The following GBX1 variants were observed in gnomAD, a reference collection of about 807,000 sequenced individuals.
GBX1 encodes the protein gastrulation brain homeobox 1.
A neutral mutation model predicts 22.9 loss-of-function variants in GBX1; 9 were observed. The observed-to-expected ratio is 0.39, with a 90% CI of 0.24 to 0.69. The LOEUF is 0.69. GBX1 is among the 30% of genes least tolerant of loss of function. The pLI, the probability that GBX1 is intolerant of heterozygous loss-of-function variation, is 0.43. For missense variants in GBX1, 494 were observed against 509.2 expected, an observed-to-expected ratio of 0.97 and a Z score of 0.29; for synonymous variants, 203 against 227.3, an observed-to-expected ratio of 0.89 and a Z score of 0.96.
chr7:151,148,058 C>T lies in GBX1; in HGVS notation c.*531G>A, dbSNP rs1801033882. On this transcript the variant is annotated 3_prime_UTR_variant, in exon 2 of 2. Coordinates refer to ENST00000297537, the MANE Select transcript of GBX1 (RefSeq NM_001098834.3). This position sits in a 1 kb window ranked among gnomAD's most constrained non-coding sequence, Gnocchi z 5.1. ...TAAAGAGAGGCAAGATGGGGCCTACCCCAAAGCAGTAGGACAGACGAACTC... is the reference window on the plus strand; with the variant it reads ...TAAAGAGAGGCAAGATGGGGCCTACTCCAAAGCAGTAGGACAGACGAACTC... Among the ~76,000 whole-genome samples, 1 of 152,120 alleles carries T rather than the reference C, an allele frequency of 6.6e-6. No individual in the cohort carries two copies. The highest frequency in any genetic ancestry group is 1.5e-5 in the Non-Finnish European group (1 of 68,018).
chr7:151,155,154 T>A (rs1331593755), intron 1 of GBX1, among the ~76,000 whole-genome samples: 1 of 152,202 alleles, frequency 6.6e-6, no homozygotes, highest in Non-Finnish European at 1.5e-5. Context: ...ATCCTAACAC[T>A]TGCCCCAACC....
chr7:151,155,251 CT>C (rs1328412715), intron 1 of GBX1, among the ~76,000 whole-genome samples: 1 of 152,186 alleles, frequency 6.6e-6, no homozygotes, highest in African/African-American at 2.4e-5. Flanking sequence ...AACTACTCAT[CT>C]CCCTGAATCC....
intron 1 of GBX1, among the ~76,000 whole-genome samples, chr7:151,165,787 G>A (rs892742232): frequency 6.6e-6 from 1 of 152,156 alleles, no homozygotes; most frequent in Non-Finnish European, 1.5e-5. Context: ...CAGCCTTTGG[G>A]GTCTGAAAGA....
intron 1 of GBX1, among the ~76,000 whole-genome samples, chr7:151,165,525 C>CT (rs770469161): frequency 9.2e-5 from 14 of 152,220 alleles, no homozygotes; most frequent in Admixed American, 3.3e-4. Context: ...TCATACTAAT[C>CT]TTTTTTTCTT....
In GBX1 at chr7:151,167,072, T is replaced by G; in HGVS notation, c.477A>C (p.Lys159Asn). The G allele has an allele frequency of 6.2e-7, 1 of 1,602,670 alleles. No homozygotes were observed. Among genetic ancestry groups the G allele is most frequent in the Non-Finnish European group, 8.5e-7 (1 of 1,176,218 alleles). The change falls in exon 1 of 2, where the codon AAA becomes AAC. Residue 159 changes from lysine to asparagine, a missense_variant. Around this residue, in one of 3 missense-constraint regions of GBX1, gnomAD observed 365 missense variants for 340.4 expected, o/e 1.07. Transcript: ENST00000297537. The surrounding 1 kb of genome is among the most constrained non-coding windows in gnomAD (Gnocchi z 5.9). ...EADELLPARE[K>N]VAEPPPPPPP... Reference sequence around the variant, plus strand: ...GCGGAGGTGGTGGGGGCTCTGCCACTTTCTCCCGGGCCGGCAGCAGCTCAT... The same window carrying G: ...GCGGAGGTGGTGGGGGCTCTGCCACGTTCTCCCGGGCCGGCAGCAGCTCAT...
intron 1 of GBX1, among the ~76,000 whole-genome samples, chr7:151,151,751 C>G (rs1053149699): frequency 2.6e-5 from 4 of 152,208 alleles, no homozygotes; most frequent in Admixed American, 2.0e-4. Flanking sequence ...CCGCTTCCAA[C>G]TAGTCCACAT....
chr7:151,158,197 C>G (rs1392669861), intron 1 of GBX1, among the ~76,000 whole-genome samples: 1 of 152,166 alleles, frequency 6.6e-6, no homozygotes, highest in Non-Finnish European at 1.5e-5. Context: ...TCACATGACT[C>G]CAGGGAAAGT....
chr7:151,167,373 T>C lies in GBX1; in HGVS notation c.176A>G (p.Gln59Arg). The C allele has an allele frequency of 6.6e-7, 1 of 1,509,610 alleles. No homozygotes were observed. The highest frequency in any genetic ancestry group is 8.8e-7 in the Non-Finnish European group (1 of 1,131,592). The allele number at this position is 1,509,610 out of a possible 1,614,324, so 93.5% of individuals were successfully genotyped here. The part of the protein sequence containing the change: ...FMPYRPLVLP[Q>R]ALAPAPLPAG... ...GGGCAGCGGCGCAGGGGCCAGCGCCTGCGGCAGCACGAGCGGCCGGTAGGG... is the reference window on the plus strand; with the variant it reads ...GGGCAGCGGCGCAGGGGCCAGCGCCCGCGGCAGCACGAGCGGCCGGTAGGG... Residue 59 changes from glutamine to arginine, a missense_variant, in exon 1 of 2, where the codon CAG becomes CGG. By Grantham distance (43) the Gln-to-Arg change is conservative. Around this residue, in one of 3 missense-constraint regions of GBX1, gnomAD observed 365 missense variants for 340.4 expected, o/e 1.07. Transcript: ENST00000297537. This position sits in a 1 kb window ranked among gnomAD's most constrained non-coding sequence, Gnocchi z 5.9.
intron 1 of GBX1, among the ~76,000 whole-genome samples, chr7:151,152,375 G>A (rs893079760): frequency 6.6e-6 from 1 of 152,158 alleles, no homozygotes; most frequent in Non-Finnish European, 1.5e-5. Flanking sequence ...ACATTAGCTG[G>A]AGAGGAATTC....
At chr7:151,155,733 T>C (rs1287586853) in intron 1 of GBX1, among the ~76,000 whole-genome samples, 1 of 152,160 alleles carries the variant, frequency 6.6e-6, no homozygotes, top group East Asian at 1.9e-4. Flanking sequence ...CCAAGAGCAC[T>C]CTTGTATGAT....
Position 151,167,174 on chromosome 7 carries a change from AGCG to A in GBX1, c.372_374del (p.Ala130del), listed in dbSNP as rs755035910. 7.6e-6 allele frequency: 12 copies of A among 1,579,422 alleles called. No individual in the cohort carries two copies. The highest frequency in any genetic ancestry group is 5.5e-5 in the Admixed American group (3 of 54,828). ...GGGCGGCAGTGGCGGCGGCGGCGGCAGCGGCGGCGGCGAGCTCCTGGGGCCCGT... is the reference window on the plus strand; with the variant it reads ...GGGCGGCAGTGGCGGCGGCGGCGGCAGCGGCGGCGAGCTCCTGGGGCCCGT... On this transcript the variant is annotated inframe_deletion, in exon 1 of 2. Transcript: ENST00000297537. This position sits in a 1 kb window ranked among gnomAD's most constrained non-coding sequence, Gnocchi z 5.9.
intron 1 of GBX1, among the ~76,000 whole-genome samples, chr7:151,150,967 T>C (rs907559741): frequency 3.9e-5 from 6 of 152,156 alleles, no homozygotes; most frequent in Non-Finnish European, 8.8e-5. Context: ...TCTGGGTTCA[T>C]ACAATCCTCT....
Position 151,156,899 on chromosome 7 carries a change from C to T in GBX1, c.539-7757G>A, listed in dbSNP as rs542765687. Among the ~76,000 whole-genome samples the T allele has an allele frequency of 1.0e-4, 15 of 147,720 alleles. No individual in the cohort carries two copies. The East Asian group carries it at 1.0e-3, about 10-fold the overall frequency. ...ACTCAGGAGGCTGAGGCAGGAGAAT[C>T]GCTTGAACCCAGGAGTCAGAGGTTG... On this transcript the variant is annotated intron_variant, in intron 1 of 1. Transcript: ENST00000297537.
At chr7:151,154,119 T>G (rs942145773) in intron 1 of GBX1, among the ~76,000 whole-genome samples, 8 of 152,110 alleles carry the variant, frequency 5.3e-5, no homozygotes, top group Middle Eastern at 6.3e-3. Context: ...GCGCCTGTGA[T>G]TCCAGCTACT....
chr7:151,157,251 G>A (rs1210955776), intron 1 of GBX1, among the ~76,000 whole-genome samples: 1 of 152,034 alleles, frequency 6.6e-6, no homozygotes, highest in Non-Finnish European at 1.5e-5. Flanking sequence ...AGCCAAGATC[G>A]CGCCACTGCA....
rs1356504631 is a variant in GBX1, at chr7:151,148,275, T to G, written c.*314A>C. Among the ~76,000 whole-genome samples, 2 of 152,184 alleles carry G rather than the reference T, an allele frequency of 1.3e-5. No homozygotes were observed. The highest frequency in any genetic ancestry group is 3.8e-4 in the East Asian group (2 of 5,204). On this transcript the variant is annotated 3_prime_UTR_variant, in exon 2 of 2. Transcript: ENST00000297537. This position sits in a 1 kb window ranked among gnomAD's most constrained non-coding sequence, Gnocchi z 5.1. ...GCATTTGCCACAGAACCTTCAGGCC[T>G]TAGGCATCTTAGAACCCACCCCCTC... is the stretch of plus-strand genomic sequence containing the variant.
chr7:151,154,350 T>C (rs1001652739), intron 1 of GBX1, among the ~76,000 whole-genome samples: 1 of 152,174 alleles, frequency 6.6e-6, no homozygotes, highest in Non-Finnish European at 1.5e-5. Context: ...TGGAAAATAA[T>C]GAAATAATGA....
intron 1 of GBX1, among the ~76,000 whole-genome samples, chr7:151,166,242 G>A (rs971673151): frequency 2.8e-4 from 42 of 152,170 alleles, no homozygotes; most frequent in African/African-American, 9.9e-4. Flanking sequence ...TTCATGGAGG[G>A]TCCAGGGCCC....
At chr7:151,150,942 G>C (rs2150547465) in intron 1 of GBX1, among the ~76,000 whole-genome samples, 1 of 152,238 alleles carries the variant, frequency 6.6e-6, no homozygotes, top group East Asian at 1.9e-4. Context: ...ATGTTGCCCA[G>C]GCTGGCCTTG....
Sources: allele counts gnomAD v4.1 joint callset (sites outside exome capture counted in the v4.1 genomes callset), GRCh38; gene constraint gnomAD v4.1.1; regional missense constraint gnomAD v4.1.1; non-coding constraint Gnocchi (gnomAD v3.1); transcripts MANE v1.5; gene names NCBI Gene and HGNC (gene_info 2026-07-23, HGNC 2026-07-21).